Variants in EPHB1 observed in about 807,000 individuals in gnomAD.
The protein encoded by EPHB1 is ephrin type-B receptor 1.
A neutral mutation model predicts 94.4 loss-of-function variants in EPHB1; 30 were observed. That is an observed-to-expected ratio of 0.32 (90% CI 0.24 to 0.43). The LOEUF is 0.43. Ranked by LOEUF, EPHB1 falls within the 20% of genes least tolerant of loss-of-function variation. EPHB1 has a pLI of 1.00. For synonymous variants in EPHB1, 522 were observed against 489.1 expected (o/e 1.07, Z -0.89); for missense variants, 1,055 against 1,308.3 (o/e 0.81, Z 2.99).
chr3:134,928,105 C>T (rs1239991828), intron 2 of EPHB1, among the ~76,000 whole-genome samples: 1 of 152,226 alleles, frequency 6.6e-6, no homozygotes, highest in Admixed American at 6.5e-5. Flanking sequence ...ATGGGCATAT[C>T]GGTCTCAACA....
At chr3:135,213,575 T>C (rs1443410855) in intron 12 of EPHB1, among the ~76,000 whole-genome samples, 1 of 152,208 alleles carries the variant, frequency 6.6e-6, no homozygotes, top group African/African-American at 2.4e-5. Flanking sequence ...ACATCTTTGA[T>C]TAACTTATTG....
intron 3 of EPHB1, among the ~76,000 whole-genome samples, chr3:134,964,090 T>A (rs1345260711): frequency 6.6e-6 from 1 of 152,196 alleles, no homozygotes; most frequent in Non-Finnish European, 1.5e-5. Context: ...ATCTGTTAAA[T>A]GAAAACAGAA....
chr3:134,840,436 C>T (rs1043279282), intron 1 of EPHB1: 5 of 152,070 alleles, frequency 3.3e-5, no homozygotes, highest in Non-Finnish European at 7.4e-5. Flanking sequence ...GACAAAAATG[C>T]ATTTTTTTTT....
At chr3:134,863,810 C>T (rs1035814722) in intron 1 of EPHB1, among the ~76,000 whole-genome samples, 3 of 152,222 alleles carry the variant, frequency 2.0e-5, no homozygotes, top group Non-Finnish European at 2.9e-5. Context: ...CCAGGCCTGC[C>T]GTGCTGGCAT....
Position 135,243,074 on chromosome 3 carries a change from C to CAA in EPHB1, c.2496+1796_2496+1797dup, listed in dbSNP as rs397933477. ...TGGGTGACAGAGCGGGACCCTGTCT[C>CAA]AAAAAAAAAAAAAAAAAAAAGAAAA... On this transcript the variant is annotated intron_variant, in intron 13 of 15. Transcript: ENST00000398015. Among the ~76,000 whole-genome samples, 149 of 98,280 alleles carry CAA rather than the reference C, an allele frequency of 1.5e-3. 1 individual carries two copies. Among genetic ancestry groups the CAA allele is most frequent in the Non-Finnish European group, 2.5e-3 (124 of 50,596 alleles). 64.5% of individuals were successfully genotyped at this position (98,280 alleles called of 152,430 possible).
intron 4 of EPHB1, among the ~76,000 whole-genome samples, chr3:135,112,503 AG>A (rs1395095039): frequency 6.6e-6 from 1 of 151,020 alleles, no homozygotes; most frequent in African/African-American, 2.4e-5. Flanking sequence ...CTTGTCATTT[AG>A]CATTAGGTAT....
At chr3:134,997,763 C>T (rs529683370) in intron 3 of EPHB1, among the ~76,000 whole-genome samples, 4 of 152,318 alleles carry the variant, frequency 2.6e-5, no homozygotes, top group African/African-American at 9.6e-5. Flanking sequence ...TTCTTGTGCA[C>T]TCCTGAAAAA....
chr3:135,072,403 A>C (rs1175015638), intron 3 of EPHB1, among the ~76,000 whole-genome samples: 1 of 152,160 alleles, frequency 6.6e-6, no homozygotes, highest in Non-Finnish European at 1.5e-5. Context: ...CAAACACTCA[A>C]GTAAAACAGC....
At chr3:135,128,117 C>T (rs763484091) in intron 4 of EPHB1, among the ~76,000 whole-genome samples, 2 of 152,206 alleles carry the variant, frequency 1.3e-5, no homozygotes, top group Admixed American at 6.5e-5. Context: ...GGAGCTTAGA[C>T]GGGGAGACCA....
chr3:134,854,400 A>G (rs1318572858), intron 1 of EPHB1, among the ~76,000 whole-genome samples: 1 of 152,090 alleles, frequency 6.6e-6, no homozygotes, highest in Non-Finnish European at 1.5e-5. Flanking sequence ...CAGACCCACC[A>G]TGAACCTGGC....
At chr3:134,847,763 T>C (rs536304666) in intron 1 of EPHB1, among the ~76,000 whole-genome samples, 2 of 152,302 alleles carry the variant, frequency 1.3e-5, no homozygotes, top group East Asian at 1.9e-4. Flanking sequence ...AAATCGCATA[T>C]GTGGAGTCAG....
At chr3:134,939,351 C>A (rs1188036491) in intron 2 of EPHB1, among the ~76,000 whole-genome samples, 1 of 151,388 alleles carries the variant, frequency 6.6e-6, no homozygotes, top group Non-Finnish European at 1.5e-5. Flanking sequence ...AAATGGAATA[C>A]CACATCAGGC....
At chr3:134,945,225 T>A (rs1463190336) in intron 2 of EPHB1, among the ~76,000 whole-genome samples, 6 of 152,202 alleles carry the variant, frequency 3.9e-5, no homozygotes, top group African/African-American at 1.4e-4. Context: ...TGCTCATGGC[T>A]ATTTCTGTCA....
intron 3 of EPHB1, among the ~76,000 whole-genome samples, chr3:134,987,223 A>G (rs1934631899): frequency 6.6e-6 from 1 of 152,206 alleles, no homozygotes; most frequent in South Asian, 2.1e-4. Flanking sequence ...TCTTAAGTAT[A>G]TTGCGTGCGT....
At chr3:135,010,008 C>T (rs113070721) in intron 3 of EPHB1, among the ~76,000 whole-genome samples, 15 of 152,094 alleles carry the variant, frequency 9.9e-5, no homozygotes, top group African/African-American at 3.4e-4. Context: ...CACAGCTATC[C>T]CTCTGATAGA....
intron 13 of EPHB1, among the ~76,000 whole-genome samples, chr3:135,245,538 C>CAAAAAAAA (rs1205474985): frequency 8.4e-6 from 1 of 118,444 alleles, no homozygotes; most frequent in African/African-American, 3.4e-5. Context: ...AAAAAAAAAT[C>CAAAAAAAA]GGCCCGTGCC....
intron 1 of EPHB1, among the ~76,000 whole-genome samples, chr3:134,894,230 A>T (rs2038043725): frequency 6.6e-6 from 1 of 152,166 alleles, no homozygotes; most frequent in Non-Finnish European, 1.5e-5. Flanking sequence ...GCCTTGGGAC[A>T]CAGAGACACT....
chr3:135,255,680 A>G (rs1421181607), intron 15 of EPHB1, among the ~76,000 whole-genome samples: 4 of 151,186 alleles, frequency 2.6e-5, no homozygotes, highest in Non-Finnish European at 5.9e-5. Context: ...GTGCTGAAAA[A>G]AAGTGTTTAT....
chr3:135,171,248 G>T (rs1418390210), intron 9 of EPHB1, among the ~76,000 whole-genome samples: 2 of 152,126 alleles, frequency 1.3e-5, no homozygotes, highest in African/African-American at 4.8e-5. Context: ...CAGATGGAGT[G>T]AATTTTTATT....
Sources: gnomAD v4.1 joint callset for allele counts (sites outside exome capture counted in the v4.1 genomes callset) on GRCh38, gnomAD v4.1.1 for gene constraint, MANE v1.5 for transcripts, NCBI Gene and HGNC (gene_info 2026-07-23, HGNC 2026-07-21) for gene names.